The following RC3H2 variants were observed in gnomAD, a reference collection of about 807,000 sequenced individuals.
The protein encoded by RC3H2 is ring finger and CCCH-type domains 2.
A neutral mutation model predicts 133.3 loss-of-function variants in RC3H2; 31 were observed. That is an observed-to-expected ratio of 0.23 (90% confidence interval 0.17 to 0.31). The LOEUF (loss-of-function observed/expected upper bound fraction) is 0.31, where lower values mean the gene tolerates loss of function less well. RC3H2 is among the 10% of genes least tolerant of loss of function. RC3H2 has a pLI of 1.00. For missense variants in RC3H2, 1,175 were observed against 1,437.2 expected, an observed-to-expected ratio of 0.82 and a Z score of 2.95; for synonymous variants, 517 against 502.2, an observed-to-expected ratio of 1.03 and a Z score of -0.40.
At chr9:122,901,296 A>G (rs1328488676) in intron 1 of RC3H2, among the ~76,000 whole-genome samples, 4 of 152,206 alleles carry the variant, frequency 2.6e-5, no homozygotes, top group South Asian at 2.1e-4. Flanking sequence ...CCCCGTTTAG[A>G]AAACTTAAAA....
chr9:122,865,564 G>T lies in RC3H2; in HGVS notation c.1419C>A (p.Ala473=). The change falls in exon 10 of 21, where the codon GCC becomes GCA. Residue 473 remains alanine, a synonymous_variant. Transcript: ENST00000357244. Reference sequence around the variant, plus strand: ...TTCCTATGACAGAAATGACATTTCCGGCTGTGGTTGTGACAGTGTTGTTTA... The same window carrying T: ...TTCCTATGACAGAAATGACATTTCCTGCTGTGGTTGTGACAGTGTTGTTTA... ...VGVNNTVTTT[A]GNVISVIGST... is the part of the protein sequence containing the mutation. 1 of 1,614,058 alleles carries T rather than the reference G, an allele frequency of 6.2e-7. No individual in the cohort carries two copies. Among genetic ancestry groups the T allele is most frequent in the Non-Finnish European group, 8.5e-7 (1 of 1,179,966 alleles).
intron 5 of RC3H2, 146 bp from the exon 6 acceptor site, chr9:122,880,940 C>G: frequency 1.6e-6 from 1 of 628,062 alleles, no homozygotes; most frequent in Non-Finnish European, 2.8e-6. Flanking sequence ...AATGTCCTGA[C>G]CACAAATTCT....
chr9:122,866,711 G>GT (rs1394361991), intron 9 of RC3H2, among the ~76,000 whole-genome samples: 1 of 152,182 alleles, frequency 6.6e-6, no homozygotes, highest in African/African-American at 2.4e-5. Context: ...TCAGTGCTCA[G>GT]TGGTGCCCAG....
intron 1 of RC3H2, among the ~76,000 whole-genome samples, chr9:122,902,604 G>A (rs1483990336): frequency 1.3e-5 from 2 of 152,058 alleles, no homozygotes; most frequent in Non-Finnish European, 1.5e-5. Context: ...CAGCACTTTG[G>A]GAGGCGGAGG....
At chr9:122,855,598 C>T (rs1830211909) in intron 14 of RC3H2, 134 bp downstream of exon 14, 1 of 1,057,338 alleles carries the variant, frequency 9.5e-7, no homozygotes, top group East Asian at 2.4e-5. Context: ...TCAGACTTAC[C>T]TAAATATAAC....
Position 122,851,217 on chromosome 9 carries a change from T to C in RC3H2, c.3244A>G (p.Ile1082Val), listed in dbSNP as rs1830007096. 3 of 1,613,980 alleles carry C rather than the reference T, an allele frequency of 1.9e-6. No homozygotes were observed. Among genetic ancestry groups the C allele is most frequent in the Non-Finnish European group, 2.5e-6 (3 of 1,179,964 alleles). ...TTTTGAGAACTGATACCAAGCTGTATGTCCAAGATCTCCTAAGAAAATAAA... is the reference window on the plus strand; with the variant it reads ...TTTTGAGAACTGATACCAAGCTGTACGTCCAAGATCTCCTAAGAAAATAAA... ...QSEPIEEILD[I>V]QLGISSQNDQ... Residue 1082 changes from isoleucine to valine, a missense_variant, in exon 20 of 21, where the codon ATA becomes GTA. Transcript: ENST00000357244.
chr9:122,883,453 T>C (rs1588097508), intron 4 of RC3H2, 74 bp from the exon 5 acceptor site: 4 of 1,247,458 alleles, frequency 3.2e-6, no homozygotes, highest in Non-Finnish European at 4.4e-6. Context: ...TAGGCATCTT[T>C]GGGTATTAGA....
At chr9:122,854,120 TC>T (rs1207184099) in intron 17 of RC3H2, 34 bp from the exon 18 acceptor site, 2 of 1,612,016 alleles carry the variant, frequency 1.2e-6, no homozygotes, top group East Asian at 4.5e-5. Flanking sequence ...AAAGTTAGCT[TC>T]CAACTATAGC....
chr9:122,868,058 G>A (rs1490007967), intron 9 of RC3H2, among the ~76,000 whole-genome samples: 1 of 130,968 alleles, frequency 7.6e-6, no homozygotes, highest in Admixed American at 7.4e-5. Flanking sequence ...CGCTCCGTCC[G>A]GGAGGGAGGT....
rs1564322863 is a variant in RC3H2, at chr9:122,899,090, G to GGTTTTTTTTTTTTTTTTTTTTTTT, written c.-67-1515_-67-1514insAAAAAAAAAAAAAAAAAAAAAAAC. ...AAAAAATTCTATTAGCCTTTATTGT[G>GGTTTTTTTTTTTTTTTTTTTTTTT]TTTTTTTTTTTTTTTTTTTTTTTTT... On this transcript the variant is annotated intron_variant, in intron 1 of 20. Coordinates refer to ENST00000357244, the MANE Select transcript of RC3H2 (RefSeq NM_001100588.3). 2.3e-4 allele frequency among the ~76,000 whole-genome samples: 20 copies of GGTTTTTTTTTTTTTTTTTTTTTTT among 88,410 alleles called. 9 individuals carry two copies. Among genetic ancestry groups the GGTTTTTTTTTTTTTTTTTTTTTTT allele is most frequent in the Admixed American group, 3.1e-4 (2 of 6,548 alleles). The allele number at this position is 88,410 out of a possible 152,430, so 58.0% of individuals were successfully genotyped here.
intron 10 of RC3H2, among the ~76,000 whole-genome samples, chr9:122,862,495 C>T (rs1830493365): frequency 6.6e-6 from 1 of 152,158 alleles, no homozygotes; most frequent in Non-Finnish European, 1.5e-5. Flanking sequence ...ATCACTTCAC[C>T]TCTAAGAAGC....
chr9:122,871,547 TCTC>T (rs1053340653), intron 9 of RC3H2, among the ~76,000 whole-genome samples: 8 of 151,096 alleles, frequency 5.3e-5, no homozygotes, highest in African/African-American at 1.7e-4. Context: ...ATAGTCCCGA[TCTC>T]CTGACCTTGT....
chr9:122,855,947 A>C (rs1830229816), intron 13 of RC3H2, 69 bp from the exon 14 acceptor site: 1 of 1,285,558 alleles, frequency 7.8e-7, no homozygotes. Context: ...AACTAATATA[A>C]AGTAACTATT....
At position 122,905,106 on chromosome 9, in the gene RC3H2, C is replaced by A; in HGVS notation, c.-68+4G>T. The A allele has an allele frequency of 1.0e-6, 1 of 985,432 alleles. No homozygotes were observed. The allele number at this position is 985,432 out of a possible 1,614,324, so 61.0% of individuals were successfully genotyped here. A position where few individuals can be genotyped will look rare whatever the true frequency, so the allele number is the denominator to read the frequency against. ...GAGCCGCATCGTGCCCGCCCCCGCC[C>A]TACCTGAGGGGGCCCGGGCGGGGTC... On this transcript the variant is annotated splice_donor_region_variant and intron_variant, in intron 1 of 20. Coordinates refer to ENST00000357244, the MANE Select transcript of RC3H2 (RefSeq NM_001100588.3).
intron 20 of RC3H2, among the ~76,000 whole-genome samples, chr9:122,850,081 A>G (rs543363998): frequency 2.6e-5 from 4 of 151,952 alleles, no homozygotes; most frequent in Non-Finnish European, 4.4e-5. Flanking sequence ...GATTCAAGCA[A>G]TTCTCCTGCC....
chr9:122,854,480 T>C, intron 16 of RC3H2, 51 bp downstream of exon 16: 1 of 1,392,288 alleles, frequency 7.2e-7, no homozygotes, highest in Non-Finnish European at 1.0e-6. Flanking sequence ...ACCCTTAAGA[T>C]ACATACAAGT....
At chr9:122,895,732 A>G (rs1832389169) in intron 2 of RC3H2, among the ~76,000 whole-genome samples, 1 of 152,178 alleles carries the variant, frequency 6.6e-6, no homozygotes, top group African/African-American at 2.4e-5. Flanking sequence ...ATTTTCTATT[A>G]AATCAGAAAA....
At chr9:122,865,922 A>C (rs761639775) in intron 9 of RC3H2, among the ~76,000 whole-genome samples, 16 of 152,058 alleles carry the variant, frequency 1.1e-4, no homozygotes, top group Admixed American at 7.2e-4. Context: ...CCCTCATGCC[A>C]CTTTGTCCAA....
intron 9 of RC3H2, among the ~76,000 whole-genome samples, chr9:122,868,272 T>A (rs185786747): frequency 2.0e-5 from 3 of 152,184 alleles, no homozygotes; most frequent in African/African-American, 7.2e-5. Flanking sequence ...CGGGCCATGA[T>A]GACAATTGCG....
Sources: gnomAD v4.1 joint callset for allele counts (sites outside exome capture counted in the v4.1 genomes callset) on GRCh38, gnomAD v4.1.1 for gene constraint, MANE v1.5 for transcripts, NCBI Gene and HGNC (gene_info 2026-07-23, HGNC 2026-07-21) for gene names.